Variants in GRID2 observed in about 807,000 individuals in gnomAD.
GRID2 encodes glutamate receptor ionotropic, delta-2.
Under a neutral mutation model 114.8 loss-of-function variants are expected in GRID2, and 33 were observed. That is an observed-to-expected ratio of 0.29 (90% confidence interval 0.22 to 0.38). The LOEUF is 0.38. Ranked by LOEUF, GRID2 falls within the 10% of genes least tolerant of loss-of-function variation. GRID2 has a pLI of 1.00. For synonymous variants in GRID2, 505 were observed against 449.9 expected, an observed-to-expected ratio of 1.12 and a Z score of -1.55; for missense variants, 1,184 against 1,257.7, an observed-to-expected ratio of 0.94 and a Z score of 0.89.
chr4:93,500,112 A>T (rs1727950856), intron 12 of GRID2, among the ~76,000 whole-genome samples: 2 of 152,146 alleles, frequency 1.3e-5, no homozygotes, highest in Admixed American at 6.6e-5. Flanking sequence ...GGTATTTCTA[A>T]GTTATGTGGT....
Position 93,422,931 on chromosome 4 carries a change from G to C in GRID2, c.1508G>C (p.Gly503Ala). Residue 503 changes from glycine to alanine, a missense_variant, in exon 10 of 16, where the codon GGG becomes GCG. Physicochemically the swap from Gly to Ala is moderately conservative, Grantham distance 60. Coordinates refer to ENST00000282020, the MANE Select transcript of GRID2 (RefSeq NM_001510.4). Reference protein sequence around the residue: ...DHKYGSPQEDGTWNGLVGELV... With the variant: ...DHKYGSPQEDATWNGLVGELV... ...AAATACGGAAGCCCACAAGAAGATGGGACATGGAATGGCTTGGTAGGAGAA... is the reference window on the plus strand; with the variant it reads ...AAATACGGAAGCCCACAAGAAGATGCGACATGGAATGGCTTGGTAGGAGAA... The C allele has an allele frequency of 6.2e-7, 1 of 1,613,496 alleles. No homozygotes were observed. Among genetic ancestry groups the C allele is most frequent in the Non-Finnish European group, 8.5e-7 (1 of 1,179,520 alleles).
chr4:93,704,926 A>G (rs1178339088), intron 14 of GRID2, among the ~76,000 whole-genome samples: 1 of 152,152 alleles, frequency 6.6e-6, no homozygotes, highest in Non-Finnish European at 1.5e-5. Context: ...GAGTGCAGAC[A>G]CCTTTTTGAT....
chr4:93,496,524 T>A (rs1727564211), intron 12 of GRID2, among the ~76,000 whole-genome samples: 1 of 151,752 alleles, frequency 6.6e-6, no homozygotes, highest in African/African-American at 2.4e-5. Flanking sequence ...CCCTTTATAG[T>A]CACATTCACC....
chr4:93,310,864 C>T (rs1755936588), intron 8 of GRID2, among the ~76,000 whole-genome samples: 1 of 152,140 alleles, frequency 6.6e-6, no homozygotes, highest in South Asian at 2.1e-4. Context: ...CAAGAATTTC[C>T]TGAAGCAAAC....
intron 2 of GRID2, among the ~76,000 whole-genome samples, chr4:92,758,352 AT>A (rs201731551): frequency 0.012 from 1,750 of 152,116 alleles, 35 homozygotes; most frequent in African/African-American, 0.04. Context: ...TTCACTCAGG[AT>A]TTTGTTCTAT....
rs1725449984 is a variant in GRID2, at chr4:93,680,826, C to G, written c.2360+54391C>G. On this transcript the variant is annotated intron_variant, in intron 14 of 15. Coordinates refer to ENST00000282020, the MANE Select transcript of GRID2 (RefSeq NM_001510.4). The stretch of plus-strand genomic sequence containing the variant: ...GACAAACCCCACAGCCAATATCATA[C>G]TGAATGGGCAAAAACTGGAAGCATT... Among the ~76,000 whole-genome samples, 3 of 152,246 alleles carry G rather than the reference C, an allele frequency of 2.0e-5. No homozygotes were observed. The South Asian group carries it at 6.2e-4, about 32-fold the overall frequency.
In GRID2 at chr4:92,522,972, T is replaced by C. The variant is rs1415659643; in HGVS notation, c.89-67159T>C. On this transcript the variant is annotated intron_variant, in intron 1 of 15. Coordinates refer to ENST00000282020, the MANE Select transcript of GRID2 (RefSeq NM_001510.4). ...GGAGGAATTATAGCCAATTGTATGC[T>C]GTAGTTTAGTGCTCTCTGGTGATAA... Among the ~76,000 whole-genome samples the C allele has an allele frequency of 2.0e-5, 3 of 151,916 alleles. No homozygotes were observed. The Admixed American group carries it at 2.0e-4, about 10-fold the overall frequency.
chr4:92,408,086 T>C (rs1731108894), intron 1 of GRID2, among the ~76,000 whole-genome samples: 1 of 152,180 alleles, frequency 6.6e-6, no homozygotes, highest in Admixed American at 6.5e-5. Context: ...GAATCTTTAA[T>C]CCATCTTGAA....
intron 2 of GRID2, among the ~76,000 whole-genome samples, chr4:92,803,606 T>C (rs1340096596): frequency 6.6e-6 from 1 of 152,002 alleles, no homozygotes; most frequent in Non-Finnish European, 1.5e-5. Context: ...TCTGTGTGTT[T>C]ATAGAATTTT....
chr4:93,637,639 G>T (rs1721533218), intron 14 of GRID2, among the ~76,000 whole-genome samples: 1 of 152,106 alleles, frequency 6.6e-6, no homozygotes, highest in Non-Finnish European at 1.5e-5. Flanking sequence ...TTACAGGGAG[G>T]GAGAGATCCA....
At chr4:93,613,896 C>T (rs566317359) in intron 13 of GRID2, among the ~76,000 whole-genome samples, 2,446 of 151,490 alleles carry the variant, frequency 0.016, 30 homozygotes, top group Admixed American at 0.026. Context: ...CAATGGCGGG[C>T]GCCCCTCCCC....
At chr4:92,939,145 C>G (rs1187152709) in intron 2 of GRID2, among the ~76,000 whole-genome samples, 2 of 147,444 alleles carry the variant, frequency 1.4e-5, no homozygotes, top group Non-Finnish European at 3.0e-5. Flanking sequence ...GCTACACTGA[C>G]TTCCACAATG....
At chr4:93,342,144 A>ATTT (rs1450643512) in intron 8 of GRID2, among the ~76,000 whole-genome samples, 16 of 152,306 alleles carry the variant, frequency 1.1e-4, no homozygotes, top group Non-Finnish European at 1.6e-4. Flanking sequence ...CTCTTCGGTG[A>ATTT]TAGCAGTAAT....
chr4:93,583,367 C>A (rs1283918993), intron 13 of GRID2, among the ~76,000 whole-genome samples: 1 of 152,052 alleles, frequency 6.6e-6, no homozygotes, highest in Admixed American at 6.6e-5. Context: ...TAAATAACAG[C>A]AAATCATTAG....
At chr4:93,107,566 TCTCA>T (rs1732362774) in intron 3 of GRID2, among the ~76,000 whole-genome samples, 1 of 152,098 alleles carries the variant, frequency 6.6e-6, no homozygotes, top group South Asian at 2.1e-4. Context: ...TGAGGGGGCA[TCTCA>T]CTCTGTCACC....
At chr4:92,651,448 A>G (rs991017503) in intron 2 of GRID2, among the ~76,000 whole-genome samples, 2 of 152,096 alleles carry the variant, frequency 1.3e-5, no homozygotes, top group Non-Finnish European at 2.9e-5. Context: ...TTGGATGACG[A>G]TAGGAGTGCC....
chr4:93,223,538 T>A (rs1745134715), intron 6 of GRID2, among the ~76,000 whole-genome samples: 1 of 152,150 alleles, frequency 6.6e-6, no homozygotes, highest in Admixed American at 6.6e-5. Flanking sequence ...TCCTCCATGA[T>A]TAATTATAAC....
intron 4 of GRID2, among the ~76,000 whole-genome samples, chr4:93,165,539 G>C (rs1252286701): frequency 6.6e-6 from 1 of 152,116 alleles, no homozygotes; most frequent in Non-Finnish European, 1.5e-5. Context: ...GTTGACAGCA[G>C]AGAATCAGAA....
chr4:93,792,518 C>T (rs1734714795), intron 1 of GRID2, among the ~76,000 whole-genome samples: 1 of 152,104 alleles, frequency 6.6e-6, no homozygotes, highest in African/African-American at 2.4e-5. Flanking sequence ...TACATTAGGC[C>T]AATTTTGCAT....
Sources: gnomAD v4.1 joint callset for allele counts (sites outside exome capture counted in the v4.1 genomes callset) on GRCh38, gnomAD v4.1.1 for gene constraint, MANE v1.5 for transcripts, NCBI Gene and HGNC (gene_info 2026-07-23, HGNC 2026-07-21) for gene names.